The following AGAP1 variants were observed in gnomAD, a reference collection of about 807,000 sequenced individuals.
AGAP1 encodes ArfGAP with GTPase domain, ankyrin repeat and PH domain 1.
AGAP1 carries 29 observed loss-of-function variants against 105.3 expected under a neutral mutation model. The observed-to-expected ratio is 0.28, with a 90% confidence interval of 0.21 to 0.38. The LOEUF (loss-of-function observed/expected upper bound fraction) is 0.38, where lower values mean the gene tolerates loss of function less well. AGAP1 is among the 10% of genes least tolerant of loss of function. AGAP1 has a pLI of 1.00. For missense variants in AGAP1, 998 were observed against 1,165.1 expected (o/e 0.86, Z 2.09); for synonymous variants, 509 against 485.9 (o/e 1.05, Z -0.63).
rs190197373 is a variant in AGAP1 at position 235,745,865 on chromosome 2, C to T, written c.538+1026C>T. ...TTTTCCAGCCAGACGTGGTGGCTCA[C>T]GCCTGTAATTCCAGCACTTTGGGAG... is the stretch of plus-strand genomic sequence containing the variant. On this transcript the variant is annotated intron_variant, in intron 5 of 17. Coordinates refer to ENST00000304032, the MANE Select transcript of AGAP1 (RefSeq NM_001037131.3). Among the ~76,000 whole-genome samples, 298 of 152,298 alleles carry T rather than the reference C, an allele frequency of 2.0e-3. 8 individuals are homozygous for T. Among genetic ancestry groups the T allele is most frequent in the Admixed American group, 0.018 (282 of 15,304 alleles).
chr2:235,570,202 A>G lies in AGAP1; in HGVS notation c.163+75353A>G, dbSNP rs181230245. Among the ~76,000 whole-genome samples the G allele has an allele frequency of 1.1e-4, 17 of 152,214 alleles. No homozygotes were observed. In the East Asian group the frequency reaches 3.1e-3, roughly 28 times the overall value. On this transcript the variant is annotated intron_variant, in intron 1 of 17. Coordinates refer to ENST00000304032, the MANE Select transcript of AGAP1 (RefSeq NM_001037131.3). ...GGAGTTGTTACATTTCTTCTTCCTA[A>G]AGCAGTGATCGGTGCTTCTGCCCTG...
chr2:235,641,459 A>T (rs1482192629), intron 1 of AGAP1, among the ~76,000 whole-genome samples: 1 of 143,948 alleles, frequency 6.9e-6, no homozygotes, highest in Non-Finnish European at 1.5e-5. Flanking sequence ...TTTTGGTAGG[A>T]TGCCTCCCTT....
At position 236,062,960 on chromosome 2, in the gene AGAP1, A is replaced by AT. The variant is rs1279649828; in HGVS notation, c.2114+13680dup. On this transcript the variant is annotated intron_variant, in intron 16 of 17. Coordinates refer to ENST00000304032, the MANE Select transcript of AGAP1 (RefSeq NM_001037131.3). This position sits in a 1 kb window ranked among gnomAD's most constrained non-coding sequence, Gnocchi z 4.2. ...CAAGTATGAGCCACCGTGCCTGGCC[A>AT]TCAGCTATTTTTTTAAGAGATGGGG... Among the ~76,000 whole-genome samples the AT allele has an allele frequency of 6.6e-6, 1 of 151,988 alleles. No individual in the cohort carries two copies. Among genetic ancestry groups the AT allele is most frequent in the Non-Finnish European group, 1.5e-5 (1 of 67,992 alleles).
chr2:235,928,514 C>T (rs1180013957), intron 11 of AGAP1, among the ~76,000 whole-genome samples: 1 of 152,174 alleles, frequency 6.6e-6, no homozygotes, highest in Non-Finnish European at 1.5e-5. Flanking sequence ...CTGCCATGCT[C>T]ACCATTGGTT....
At chr2:236,110,978 G>A (rs1269555253) in intron 16 of AGAP1, among the ~76,000 whole-genome samples, 1 of 152,172 alleles carries the variant, frequency 6.6e-6, no homozygotes, top group Non-Finnish European at 1.5e-5. Flanking sequence ...ACGTCCTCAC[G>A]TGATAGAAGA....
In AGAP1 at chr2:235,573,061, T is replaced by TTCTTC. The variant is rs771569923; in HGVS notation, c.163+78213_163+78214insCTTCT. On this transcript the variant is annotated intron_variant, in intron 1 of 17. Coordinates refer to ENST00000304032, the MANE Select transcript of AGAP1 (RefSeq NM_001037131.3). ...CTTCTTCTTCTTCTTCTTCTTCTTC[T>TTCTTC]TTCTTCTTTCTTCTTTCTTCTTTCT... 8.6e-4 allele frequency among the ~76,000 whole-genome samples: 58 copies of TTCTTC among 67,336 alleles called. 7 individuals carry two copies. Among genetic ancestry groups the TTCTTC allele is most frequent in the East Asian group, 7.2e-3 (5 of 698 alleles). 44.2% of individuals were successfully genotyped at this position (67,336 alleles called of 152,430 possible). A position where few individuals can be genotyped will look rare whatever the true frequency, so the allele number is the denominator to read the frequency against.
chr2:236,081,762 T>A lies in AGAP1; in HGVS notation c.2114+32481T>A, dbSNP rs760098461. On this transcript the variant is annotated intron_variant, in intron 16 of 17. Coordinates refer to ENST00000304032, the MANE Select transcript of AGAP1 (RefSeq NM_001037131.3). ...TGCTAATGAAACCATATTTTGAACA[T>A]GAAAATTGTTACAAAGAAGAAAAAA... Among the ~76,000 whole-genome samples, 95 of 151,618 alleles carry A rather than the reference T, an allele frequency of 6.3e-4. 1 individual carries two copies. Among genetic ancestry groups the A allele is most frequent in the Non-Finnish European group, 2.8e-4 (19 of 67,950 alleles).
chr2:235,565,703 C>T (rs764106226), intron 1 of AGAP1, among the ~76,000 whole-genome samples: 2 of 152,280 alleles, frequency 1.3e-5, no homozygotes, highest in South Asian at 4.1e-4. Context: ...CTCTGTCACC[C>T]GGGGTGGAGT....
intron 6 of AGAP1, among the ~76,000 whole-genome samples, chr2:235,784,033 G>A (rs1227830720): frequency 6.6e-6 from 1 of 152,164 alleles, no homozygotes; most frequent in East Asian, 1.9e-4. Context: ...CAAGTATGTA[G>A]CAACATGTTA....
Position 235,789,268 on chromosome 2 carries a change from G to A in AGAP1, c.674-8491G>A, listed in dbSNP as rs1293961561. On this transcript the variant is annotated intron_variant, in intron 6 of 17. Coordinates refer to ENST00000304032, the MANE Select transcript of AGAP1 (RefSeq NM_001037131.3). This position sits in a 1 kb window ranked among gnomAD's most constrained non-coding sequence, Gnocchi z 4.2. ...GGGAAATCCCGCTGCCCTAGACATGGTAGAAATTTCCCCTCATTCTAAAAT... is the reference window on the plus strand; with the variant it reads ...GGGAAATCCCGCTGCCCTAGACATGATAGAAATTTCCCCTCATTCTAAAAT... 6.6e-6 allele frequency among the ~76,000 whole-genome samples: 1 copy of A among 152,106 alleles called. No homozygotes were observed. The highest frequency in any genetic ancestry group is 1.5e-5 in the Non-Finnish European group (1 of 68,024).
intron 1 of AGAP1, among the ~76,000 whole-genome samples, chr2:235,564,140 T>C (rs1025441212): frequency 1.3e-5 from 2 of 152,182 alleles, no homozygotes; most frequent in African/African-American, 4.8e-5. Context: ...CACACAACCT[T>C]TTAAAATTTA....
chr2:236,061,106 A>G lies in AGAP1; in HGVS notation c.2114+11825A>G, dbSNP rs2058182734. Among the ~76,000 whole-genome samples the G allele has an allele frequency of 6.6e-6, 1 of 152,196 alleles. No individual in the cohort carries two copies. Among genetic ancestry groups the G allele is most frequent in the Non-Finnish European group, 1.5e-5 (1 of 68,046 alleles). On this transcript the variant is annotated intron_variant, in intron 16 of 17. Coordinates refer to ENST00000304032, the MANE Select transcript of AGAP1 (RefSeq NM_001037131.3). The surrounding 1 kb of genome is among the most constrained non-coding windows in gnomAD (Gnocchi z 4.1). ...AAATAAAAATGGGCTAAGACTCTAAATAGACATTTCTCCAGAAAATATAAA... is the reference window on the plus strand; with the variant it reads ...AAATAAAAATGGGCTAAGACTCTAAGTAGACATTTCTCCAGAAAATATAAA...
chr2:235,529,239 A>G (rs752112391), intron 1 of AGAP1, among the ~76,000 whole-genome samples: 11 of 152,212 alleles, frequency 7.2e-5, no homozygotes, highest in Non-Finnish European at 1.3e-4. Context: ...CAGTCCTTCC[A>G]GGGAACTAGT....
At chr2:235,706,895 T>A (rs987391665) in intron 1 of AGAP1, among the ~76,000 whole-genome samples, 2 of 152,234 alleles carry the variant, frequency 1.3e-5, no homozygotes, top group African/African-American at 4.8e-5. Flanking sequence ...GAGTAGTCGA[T>A]AACAGAAAGA....
Position 235,724,707 on chromosome 2 carries a change from A to T in AGAP1, c.310+7063A>T, listed in dbSNP as rs1242931452. 6.6e-6 allele frequency among the ~76,000 whole-genome samples: 1 copy of T among 152,212 alleles called. No individual in the cohort carries two copies. The highest frequency in any genetic ancestry group is 2.1e-4 in the South Asian group (1 of 4,832). On this transcript the variant is annotated intron_variant, in intron 3 of 17. Transcript: ENST00000304032. This position sits in a 1 kb window ranked among gnomAD's most constrained non-coding sequence, Gnocchi z 4.9. ...GAGAAAATACCAGGTGCTAAGAGTA[A>T]TTATAACTACCAGGTAAGGACCAGT...
At chr2:235,828,641 GCTTA>G (rs948616711) in intron 9 of AGAP1, among the ~76,000 whole-genome samples, 1 of 152,186 alleles carries the variant, frequency 6.6e-6, no homozygotes, top group African/African-American at 2.4e-5. Context: ...TTAGGCTCAA[GCTTA>G]CTTTGAGAGC....
chr2:235,860,669 T>G (rs192036481), intron 9 of AGAP1, among the ~76,000 whole-genome samples: 259 of 152,276 alleles, frequency 1.7e-3, no homozygotes, highest in African/African-American at 5.4e-3. Context: ...ACAGATTCTG[T>G]TTTTTTGTAA....
intron 9 of AGAP1, among the ~76,000 whole-genome samples, chr2:235,819,563 C>G (rs1332574500): frequency 6.6e-6 from 1 of 152,114 alleles, no homozygotes; most frequent in Non-Finnish European, 1.5e-5. Context: ...TCGTACCAGC[C>G]CCTTTAATCT....
At position 236,020,232 on chromosome 2, in the gene AGAP1, C is replaced by T. The variant is rs1185991260; in HGVS notation, c.1646-16329C>T. 6.6e-6 allele frequency among the ~76,000 whole-genome samples: 1 copy of T among 152,212 alleles called. No homozygotes were observed. The highest frequency in any genetic ancestry group is 1.5e-5 in the Non-Finnish European group (1 of 68,044). Reference sequence around the variant, plus strand: ...CTAGAGATGTGGAACATGGCCCCTGCATTGCTCCTTGCCTAGGACCAGTAA... The same window carrying T: ...CTAGAGATGTGGAACATGGCCCCTGTATTGCTCCTTGCCTAGGACCAGTAA... On this transcript the variant is annotated intron_variant, in intron 13 of 17. Transcript: ENST00000304032. This position sits in a 1 kb window ranked among gnomAD's most constrained non-coding sequence, Gnocchi z 5.0.
Sources: gnomAD v4.1 joint callset for allele counts (sites outside exome capture counted in the v4.1 genomes callset) on GRCh38, gnomAD v4.1.1 for gene constraint, Gnocchi (gnomAD v3.1) non-coding constraint, MANE v1.5 for transcripts, NCBI Gene and HGNC (gene_info 2026-07-23, HGNC 2026-07-21) for gene names.